SORBS2: variants seen among roughly 807,000 people sequenced by gnomAD.
The protein encoded by SORBS2 is sorbin and SH3 domain-containing protein 2.
A neutral mutation model predicts 97.7 loss-of-function variants in SORBS2; 46 were observed. The ratio of observed to expected loss-of-function variants is 0.47; its 90% CI spans 0.37 to 0.60. The LOEUF (loss-of-function observed/expected upper bound fraction) is 0.60, where lower values mean the gene tolerates loss of function less well. Among genes scored for constraint, SORBS2 ranks in the 20% least tolerant of loss-of-function variants. The probability of loss-of-function intolerance (pLI) is 0.00; values close to 1 mark genes in which losing one functional copy is unlikely to be tolerated. For synonymous variants in SORBS2, 476 were observed against 473.4 expected (o/e 1.01, Z -0.07); for missense variants, 1,316 against 1,282.3 (o/e 1.03, Z -0.40).
chr4:185,723,758 A>AGAAAGTAATT (rs1367213462), intron 2 of SORBS2, among the ~76,000 whole-genome samples: 4 of 152,220 alleles, frequency 2.6e-5, no homozygotes, highest in African/African-American at 7.2e-5. Context: ...AGTTGAGGAA[A>AGAAAGTAATT]GAAAGTAATT....
Position 185,859,483 on chromosome 4 carries a change from G to A in SORBS2, c.-337-84117C>T, listed in dbSNP as rs536175124. On this transcript the variant is annotated intron_variant, in intron 1 of 20. Coordinates refer to the SORBS2 transcript ENST00000284776. ...TACAACTCCAGCCTTTGCCAGTCTC[G>A]CTTCCTTGCTAGGAACGTCTGTTCT... Among the ~76,000 whole-genome samples, 117 of 152,114 alleles carry A rather than the reference G, an allele frequency of 7.7e-4. 4 individuals carry two copies. The South Asian group carries it at 0.023, about 30-fold the overall frequency.
chr4:185,614,372 G>A (rs578261568), intron 11 of SORBS2, among the ~76,000 whole-genome samples: 1 of 151,868 alleles, frequency 6.6e-6, no homozygotes, highest in Admixed American at 6.5e-5. Flanking sequence ...CTGCAGAGAT[G>A]GCTCTTAAAG....
chr4:185,950,047 T>A (rs1312109227), intron 1 of SORBS2, among the ~76,000 whole-genome samples: 2 of 151,650 alleles, frequency 1.3e-5, no homozygotes, highest in South Asian at 2.1e-4. Context: ...AGGTCAGGAG[T>A]TCGAAACCAG....
At chr4:185,635,298 TCA>T in intron 4 of SORBS2, 55 bp downstream of exon 16, 1 of 1,244,674 alleles carries the variant, frequency 8.0e-7, no homozygotes, top group Non-Finnish European at 1.2e-6. Flanking sequence ...ATGTGCAGAA[TCA>T]CAGTCACAGC....
At chr4:185,897,023 C>CCGCTGT (rs1441785182) in intron 1 of SORBS2, among the ~76,000 whole-genome samples, 1 of 152,140 alleles carries the variant, frequency 6.6e-6, no homozygotes, top group African/African-American at 2.4e-5. Flanking sequence ...AAACAGTACC[C>CCGCTGT]CAGATGACAG....
In SORBS2 at chr4:185,790,371, A is replaced by G. The variant is rs190425958; in HGVS notation, c.-337-15005T>C. Among the ~76,000 whole-genome samples the G allele has an allele frequency of 1.3e-3, 205 of 152,322 alleles. 1 individual carries two copies. Among genetic ancestry groups the G allele is most frequent in the African/African-American group, 4.7e-3 (194 of 41,568 alleles). ...TTAGTGGCCACACTCAAAAAGACAT[A>G]TTGTAGCGAAAACATTCCCAATTCT... is the stretch of plus-strand genomic sequence containing the variant. On this transcript the variant is annotated intron_variant, in intron 1 of 20. Transcript: ENST00000284776.
chr4:185,928,840 C>T (rs1416289227), intron 1 of SORBS2, among the ~76,000 whole-genome samples: 1 of 152,140 alleles, frequency 6.6e-6, no homozygotes, highest in Non-Finnish European at 1.5e-5. Flanking sequence ...GCCACCGCGC[C>T]TGGCCAAGAA....
chr4:185,818,994 C>T (rs935894619), intron 1 of SORBS2, among the ~76,000 whole-genome samples: 1 of 152,156 alleles, frequency 6.6e-6, no homozygotes, highest in Non-Finnish European at 1.5e-5. Flanking sequence ...CATGTGGACT[C>T]TTTCCTATAT....
intron 1 of SORBS2, among the ~76,000 whole-genome samples, chr4:185,946,721 T>G (rs559501946): frequency 6.6e-6 from 1 of 152,220 alleles, no homozygotes; most frequent in Non-Finnish European, 1.5e-5. Flanking sequence ...TTAATGTACA[T>G]CTGAACCTAA....
intron 1 of SORBS2, among the ~76,000 whole-genome samples, chr4:185,945,548 T>A (rs1427806850): frequency 6.6e-6 from 1 of 152,242 alleles, no homozygotes; most frequent in East Asian, 1.9e-4. Context: ...TTTGATTTCA[T>A]CTACAGATCC....
chr4:185,939,196 T>C (rs139302758), intron 1 of SORBS2, among the ~76,000 whole-genome samples: 3 of 152,278 alleles, frequency 2.0e-5, no homozygotes, highest in Admixed American at 2.0e-4. Context: ...TACCTAAATT[T>C]CTCTCCTCTC....
chr4:185,658,548 G>A (rs1282267576), upstream of SORBS2, among the ~76,000 whole-genome samples: 1 of 152,020 alleles, frequency 6.6e-6, no homozygotes, highest in Non-Finnish European at 1.5e-5. Context: ...GGTTTGTCAG[G>A]ACTGCCACTC....
exon 15 of SORBS2, chr4:185,586,343 AT>A (rs1348785545): frequency 6.6e-6 from 1 of 152,648 alleles, no homozygotes. Context: ...AGGGCAGAAA[AT>A]AAAACCTGAA....
At chr4:185,748,456 C>G (rs753387911) in intron 2 of SORBS2, among the ~76,000 whole-genome samples, 2 of 152,114 alleles carry the variant, frequency 1.3e-5, no homozygotes, top group Non-Finnish European at 2.9e-5. Context: ...TGGAGTAAGG[C>G]GAGCTGGGAA....
intron 2 of SORBS2, among the ~76,000 whole-genome samples, chr4:185,710,403 G>T (rs1015861420): frequency 3.9e-5 from 6 of 152,168 alleles, no homozygotes; most frequent in Non-Finnish European, 8.8e-5. Flanking sequence ...AGTTCAAAGT[G>T]TTCAAACCTT....
chr4:185,635,227 A>G (rs538367663), intron 4 of SORBS2, 128 bp downstream of exon 16: 20 of 667,500 alleles, frequency 3.0e-5, no homozygotes, highest in Non-Finnish European at 4.7e-5. Flanking sequence ...CAACATAATG[A>G]TGCAAAGATA....
intron 1 of SORBS2, among the ~76,000 whole-genome samples, chr4:185,937,894 C>A (rs187244721): frequency 6.6e-6 from 1 of 152,308 alleles, no homozygotes; most frequent in Admixed American, 6.5e-5. Context: ...GGAATATCTT[C>A]TCCTCTCTGC....
At chr4:185,949,544 T>A (rs191836490) in intron 1 of SORBS2, among the ~76,000 whole-genome samples, 175 of 151,976 alleles carry the variant, frequency 1.2e-3, no homozygotes, top group African/African-American at 4.1e-3. Flanking sequence ...TTGGAAGAGA[T>A]TAGACTAAGG....
Position 185,684,833 on chromosome 4 carries a change from A to G in SORBS2, c.-197-6011T>C. 6.4e-7 allele frequency: 1 copy of G among 1,551,892 alleles called. No individual in the cohort carries two copies. The highest frequency in any genetic ancestry group is 1.4e-5 in the African/African-American group (1 of 73,176). On this transcript the variant is annotated intron_variant, in intron 2 of 20. Transcript: ENST00000284776. This position sits in a 1 kb window ranked among gnomAD's most constrained non-coding sequence, Gnocchi z 4.2. ...CAGACATGGCGGCACGTTTGCGAGC[A>G]CACCCACCGCTATCTGGAAGCAAAA... is the stretch of plus-strand genomic sequence containing the variant.
Sources: allele counts gnomAD v4.1 joint callset (sites outside exome capture counted in the v4.1 genomes callset), GRCh38; gene constraint gnomAD v4.1.1; non-coding constraint Gnocchi (gnomAD v3.1); transcripts MANE v1.5; gene names NCBI Gene and HGNC (gene_info 2026-07-23, HGNC 2026-07-21).